Variants in EIF4G3 observed in about 807,000 individuals in gnomAD.
EIF4G3 encodes the protein eukaryotic translation initiation factor 4 gamma 3, also known as eIF-4-gamma 3.
A neutral mutation model predicts 186.4 loss-of-function variants in EIF4G3; 34 were observed. The ratio of observed to expected loss-of-function variants is 0.18; its 90% confidence interval spans 0.14 to 0.24. EIF4G3 has a LOEUF of 0.24. Ranked by LOEUF, EIF4G3 falls within the 10% of genes least tolerant of loss-of-function variation. The pLI, the probability that EIF4G3 is intolerant of heterozygous loss-of-function variation, is 1.00. For missense variants in EIF4G3, 1,536 were observed against 1,948.5 expected, an observed-to-expected ratio of 0.79 and a Z score of 3.99; for synonymous variants, 673 against 679.5, an observed-to-expected ratio of 0.99 and a Z score of 0.15.
intron 12 of EIF4G3, among the ~76,000 whole-genome samples, chr1:20,955,881 T>C (rs2096400127): frequency 6.6e-6 from 1 of 152,152 alleles, no homozygotes; most frequent in Non-Finnish European, 1.5e-5. Context: ...AGGAAAACCA[T>C]GAACTCCAGT....
At chr1:21,101,522 A>G (rs1038574394) in intron 2 of EIF4G3, among the ~76,000 whole-genome samples, 11 of 140,076 alleles carry the variant, frequency 7.9e-5, no homozygotes, top group African/African-American at 2.9e-4. Flanking sequence ...GTGAGCCGAG[A>G]TTGCACCACT....
rs539827693 is a variant in EIF4G3 at position 21,018,352 on chromosome 1, C to T, written c.-66-15544G>A. On this transcript the variant is annotated intron_variant, in intron 4 of 36. Coordinates refer to ENST00000602326, the MANE Select transcript of EIF4G3 (RefSeq NM_001391906.1). The stretch of plus-strand genomic sequence containing the variant: ...ATCCTAGCCCTTTGGGAGGCCGAGG[C>T]GGGCGGATCACAAGGTCAGTAGTTC... 9.3e-4 allele frequency among the ~76,000 whole-genome samples: 141 copies of T among 152,092 alleles called. 1 individual carries two copies. Among genetic ancestry groups the T allele is most frequent in the African/African-American group, 3.1e-3 (130 of 41,460 alleles).
intron 4 of EIF4G3, among the ~76,000 whole-genome samples, chr1:21,048,669 C>T: frequency 6.6e-6 from 1 of 152,096 alleles, no homozygotes; most frequent in Middle Eastern, 3.2e-3. Context: ...TCTAAGAAAC[C>T]TCCCTGCGAA....
At chr1:21,163,768 GTTTGT>G (rs528919587) in intron 2 of EIF4G3, among the ~76,000 whole-genome samples, 6 of 151,962 alleles carry the variant, frequency 3.9e-5, no homozygotes, top group Admixed American at 1.3e-4. Context: ...TTTGTTTTTT[GTTTGT>G]TTTGTTTTGT....
At chr1:20,882,173 A>G (rs1256309585) in intron 19 of EIF4G3, among the ~76,000 whole-genome samples, 2 of 121,262 alleles carry the variant, frequency 1.6e-5, no homozygotes, top group African/African-American at 6.3e-5. Flanking sequence ...AAAAAAGAAA[A>G]ATTACACACA....
rs184896433 is a variant in EIF4G3, at chr1:21,056,153, C to G, written c.-195-5159G>C. 1.4e-3 allele frequency among the ~76,000 whole-genome samples: 206 copies of G among 152,296 alleles called. No homozygotes were observed. In the Middle Eastern group the frequency reaches 0.014, roughly 10 times the overall value. ...CCTATGGTATGCATCCTTTGCAACT[C>G]TAAATAGTTCTGCCAAACTGGTAAT... On this transcript the variant is annotated intron_variant, in intron 3 of 36. Transcript: ENST00000602326.
At position 21,050,539 on chromosome 1, in the gene EIF4G3, C is replaced by T. The variant is rs559900001; in HGVS notation, c.-67+327G>A. Among the ~76,000 whole-genome samples the T allele has an allele frequency of 1.1e-4, 16 of 152,308 alleles. No individual in the cohort carries two copies. The South Asian group carries it at 1.9e-3, about 18-fold the overall frequency. ...TGCTTCACCCGAAAGGGGTGCGAGACGGTAGCAGATTAAGCATCGAAAAGC... is the reference window on the plus strand; with the variant it reads ...TGCTTCACCCGAAAGGGGTGCGAGATGGTAGCAGATTAAGCATCGAAAAGC... On this transcript the variant is annotated intron_variant, in intron 4 of 36. Transcript: ENST00000602326.
chr1:20,893,394 T>C (rs2086799934), intron 18 of EIF4G3, 123 bp downstream of exon 18: 5 of 1,077,818 alleles, frequency 4.6e-6, no homozygotes, highest in Non-Finnish European at 6.5e-6. Context: ...GGATAGTCTT[T>C]GCCTCTTCTT....
At chr1:20,949,360 G>A (rs941862620) in intron 13 of EIF4G3, among the ~76,000 whole-genome samples, 6 of 152,184 alleles carry the variant, frequency 3.9e-5, no homozygotes, top group African/African-American at 1.4e-4. Flanking sequence ...AGAGACCTTA[G>A]TGTACTATTC....
At chr1:20,862,357 C>T (rs1365073824) in intron 22 of EIF4G3, 25 bp from the exon 23 acceptor site, 14 of 1,349,024 alleles carry the variant, frequency 1.0e-5, no homozygotes, top group Non-Finnish European at 1.3e-5. Context: ...ATCATTAGTA[C>T]TCCTGTCTGA....
rs2096598955 is a variant in EIF4G3, at chr1:21,105,423, C to T, written c.-271-16210G>A. Among the ~76,000 whole-genome samples the T allele has an allele frequency of 3.3e-5, 5 of 149,716 alleles. No individual in the cohort carries two copies. The South Asian group carries it at 8.5e-4, about 25-fold the overall frequency. ...CCAGCCTATGCAACGAGTGAAACTC[C>T]GTCTTAAAAAAAAAAGAAAAAAAAA... On this transcript the variant is annotated intron_variant, in intron 2 of 36. Coordinates refer to ENST00000602326, the MANE Select transcript of EIF4G3 (RefSeq NM_001391906.1).
intron 17 of EIF4G3, among the ~76,000 whole-genome samples, chr1:20,894,524 A>G (rs1444464797): frequency 6.6e-6 from 1 of 152,214 alleles, no homozygotes; most frequent in Non-Finnish European, 1.5e-5. Context: ...TTACTAACCC[A>G]TTTATGCCGG....
intron 2 of EIF4G3, among the ~76,000 whole-genome samples, chr1:21,149,307 A>C (rs1466801025): frequency 6.6e-6 from 1 of 152,182 alleles, no homozygotes; most frequent in Admixed American, 6.5e-5. Context: ...ATCGAAATAC[A>C]TCAATGAGTT....
At chr1:21,162,446 C>CT (rs980043905) in intron 2 of EIF4G3, among the ~76,000 whole-genome samples, 30 of 116,348 alleles carry the variant, frequency 2.6e-4, no homozygotes, top group Non-Finnish European at 1.9e-4. Flanking sequence ...AAGACATCAT[C>CT]TTAAAAAAAA....
At chr1:20,813,947 G>T (rs1012196365) in intron 34 of EIF4G3, among the ~76,000 whole-genome samples, 4 of 77,328 alleles carry the variant, frequency 5.2e-5, no homozygotes, top group African/African-American at 2.0e-4. Context: ...ATGAGTCACT[G>T]TTTTTTTTTT....
chr1:20,956,122 A>T (rs1225090018), intron 12 of EIF4G3, among the ~76,000 whole-genome samples: 5 of 152,214 alleles, frequency 3.3e-5, no homozygotes, highest in Non-Finnish European at 7.3e-5. Context: ...GGATGTAAGG[A>T]CTACAATAGG....
At chr1:20,873,420 A>C (rs1021850203) in intron 20 of EIF4G3, among the ~76,000 whole-genome samples, 1 of 152,216 alleles carries the variant, frequency 6.6e-6, no homozygotes, top group Non-Finnish European at 1.5e-5. Flanking sequence ...CTTCAGCTTT[A>C]GTATATAATG....
intron 3 of EIF4G3, among the ~76,000 whole-genome samples, chr1:21,052,129 G>A (rs150086316): frequency 6.6e-6 from 1 of 152,118 alleles, no homozygotes; most frequent in East Asian, 1.9e-4. Context: ...AAAATAATCA[G>A]CATGTTTTTA....
intron 4 of EIF4G3, among the ~76,000 whole-genome samples, chr1:21,034,252 C>A (rs2092994202): frequency 6.6e-6 from 1 of 152,106 alleles, no homozygotes; most frequent in South Asian, 2.1e-4. Flanking sequence ...ATAAAAAAGG[C>A]TGTATTTTAA....
Sources: gnomAD v4.1 joint callset for allele counts (sites outside exome capture counted in the v4.1 genomes callset) on GRCh38, gnomAD v4.1.1 for gene constraint, MANE v1.5 for transcripts, NCBI Gene and HGNC (gene_info 2026-07-23, HGNC 2026-07-21) for gene names.